ZNF215: variants seen among roughly 807,000 people sequenced by gnomAD.
The protein encoded by ZNF215 is BWSCR2-associated zinc finger protein 2.
In ZNF215, 24 loss-of-function variants were observed where a neutral mutation model predicts 27.2. That is an observed-to-expected ratio of 0.88 (90% CI 0.64 to 1.24). The LOEUF (loss-of-function observed/expected upper bound fraction) is 1.24. Among genes scored for constraint, ZNF215 ranks in the 50% most tolerant of loss-of-function variants. The pLI is 0.00. For synonymous variants in ZNF215, 210 were observed against 204.0 expected (o/e 1.03, Z -0.25); for missense variants, 675 against 605.7 (o/e 1.11, Z -1.20).
intron 3 of ZNF215, among the ~76,000 whole-genome samples, chr11:6,939,589 A>T (rs965006470): frequency 6.6e-6 from 1 of 152,160 alleles, no homozygotes; most frequent in Non-Finnish European, 1.5e-5. Flanking sequence ...GAGGATAGAA[A>T]AAGGTGCCTT....
At chr11:6,966,571 C>T (rs1004898254) in intron 5 of ZNF215, among the ~76,000 whole-genome samples, 1 of 152,024 alleles carries the variant, frequency 6.6e-6, no homozygotes, top group South Asian at 2.1e-4. Context: ...GAATTGTTCA[C>T]AATATTACCT....
chr11:6,981,472 T>C (rs1205749429), intron 5 of ZNF215, among the ~76,000 whole-genome samples: 1 of 152,232 alleles, frequency 6.6e-6, no homozygotes, highest in Non-Finnish European at 1.5e-5. Context: ...TTTCTTCTTG[T>C]AAATTTGTTT....
At chr11:6,982,170 A>G (rs1031036073) in intron 5 of ZNF215, among the ~76,000 whole-genome samples, 22 of 152,012 alleles carry the variant, frequency 1.4e-4, no homozygotes, top group African/African-American at 5.3e-4. Context: ...CTTGATGGGG[A>G]TGGCATTGAG....
At chr11:6,937,643 A>G (rs995870860) in intron 3 of ZNF215, among the ~76,000 whole-genome samples, 1 of 151,912 alleles carries the variant, frequency 6.6e-6, no homozygotes, top group Non-Finnish European at 1.5e-5. Flanking sequence ...AAAAGCTGCA[A>G]TAATCAAAGC....
At chr11:6,948,967 C>T (rs1404406035) in intron 6 of ZNF215, among the ~76,000 whole-genome samples, 1 of 142,420 alleles carries the variant, frequency 7.0e-6, no homozygotes, top group African/African-American at 2.6e-5. Flanking sequence ...TCTCATTGTT[C>T]AATTCCCACC....
intron 4 of ZNF215, among the ~76,000 whole-genome samples, chr11:6,942,065 A>T (rs150067843): frequency 1.8e-4 from 27 of 152,306 alleles, no homozygotes; most frequent in African/African-American, 6.5e-4. Flanking sequence ...AAGAATATTT[A>T]AGGGAGAAAT....
downstream of ZNF215, among the ~76,000 whole-genome samples, chr11:6,989,471 G>T (rs1286749548): frequency 6.6e-6 from 1 of 152,084 alleles, no homozygotes; most frequent in Non-Finnish European, 1.5e-5. Context: ...AACATCAAAT[G>T]ACTAGATAGC....
At chr11:6,975,765 G>A (rs1850822082) in intron 5 of ZNF215, among the ~76,000 whole-genome samples, 1 of 152,064 alleles carries the variant, frequency 6.6e-6, no homozygotes, top group South Asian at 2.1e-4. Flanking sequence ...GGACACTTAG[G>A]CTGATTCCAA....
At chr11:6,984,915 C>G (rs1361328872), downstream of ZNF215, among the ~76,000 whole-genome samples, 1 of 152,076 alleles carries the variant, frequency 6.6e-6, no homozygotes, top group East Asian at 1.9e-4. Flanking sequence ...AAAAACCCTA[C>G]CAACCAAAAA....
At chr11:6,944,101 C>T (rs1441056176) in intron 6 of ZNF215, among the ~76,000 whole-genome samples, 1 of 152,150 alleles carries the variant, frequency 6.6e-6, no homozygotes, top group Non-Finnish European at 1.5e-5. Flanking sequence ...CCGTTAAACC[C>T]TGTCTCTACT....
chr11:6,966,339 GGTATGA>G (rs1850617497), intron 5 of ZNF215, among the ~76,000 whole-genome samples: 1 of 152,002 alleles, frequency 6.6e-6, no homozygotes, highest in African/African-American at 2.4e-5. Flanking sequence ...GGTGGAGGGT[GGTATGA>G]GGATGAGGAT....
chr11:6,932,162 A>G lies in ZNF215; in HGVS notation c.-111A>G. ...GAACTTTCCTCCTTACCGTGAAATA[A>G]CTTGGCTTAAATCACACTGCATATA... On this transcript the variant is annotated 5_prime_UTR_variant, in exon 3 of 7. Coordinates refer to ENST00000278319, the MANE Select transcript of ZNF215 (RefSeq NM_013250.4). 7.4e-7 allele frequency: 1 copy of G among 1,348,756 alleles called. No homozygotes were observed. The highest frequency in any genetic ancestry group is 1.0e-6 in the Non-Finnish European group (1 of 998,312). 83.5% of individuals were successfully genotyped at this position (1,348,756 alleles called of 1,614,324 possible). A position where few individuals can be genotyped will look rare whatever the true frequency, so the allele number is the denominator to read the frequency against.
chr11:6,946,200 A>C (rs1849809066), intron 6 of ZNF215, among the ~76,000 whole-genome samples: 1 of 152,178 alleles, frequency 6.6e-6, no homozygotes, highest in African/African-American at 2.4e-5. Flanking sequence ...CCACATTGGC[A>C]TACTTCTCAG....
At position 6,926,661 on chromosome 11, in the gene ZNF215, G is replaced by T. The variant is rs573308825; in HGVS notation, c.-350G>T. On this transcript the variant is annotated 5_prime_UTR_variant, in exon 1 of 7. Transcript: ENST00000278319. ...CTTCACTGTCCAAGACAGCGATTCC[G>T]CGGCTCCTCTGAGAACTGGCGCTTG... 2.6e-5 allele frequency: 4 copies of T among 152,370 alleles called. No individual in the cohort carries two copies. In the South Asian group the frequency reaches 8.3e-4, roughly 32 times the overall value. 9.4% of individuals were successfully genotyped at this position (152,370 alleles called of 1,614,324 possible).
chr11:6,945,245 C>T (rs1164657839), intron 6 of ZNF215, among the ~76,000 whole-genome samples: 3 of 152,118 alleles, frequency 2.0e-5, no homozygotes, highest in African/African-American at 4.8e-5. Flanking sequence ...TCCCCGCTCC[C>T]ATTGTGCTTT....
intron 6 of ZNF215, among the ~76,000 whole-genome samples, chr11:6,949,180 G>A (rs1849946152): frequency 6.6e-6 from 1 of 151,660 alleles, no homozygotes; most frequent in South Asian, 2.1e-4. Context: ...CCAAGTCTTT[G>A]CTATTGTGAA....
At chr11:6,974,903 G>A (rs1320825727) in intron 5 of ZNF215, among the ~76,000 whole-genome samples, 2 of 152,022 alleles carry the variant, frequency 1.3e-5, no homozygotes, top group Non-Finnish European at 2.9e-5. Context: ...CTGCCTGATT[G>A]CCCTGGCCGG....
intron 6 of ZNF215, among the ~76,000 whole-genome samples, chr11:6,945,170 C>T (rs561649863): frequency 1.1e-4 from 16 of 151,988 alleles, no homozygotes; most frequent in South Asian, 4.2e-4. Flanking sequence ...ATTACTTACC[C>T]GAATTCTTTA....
downstream of ZNF215, among the ~76,000 whole-genome samples, chr11:6,985,093 G>C (rs757944397): frequency 1.2e-4 from 18 of 152,016 alleles, no homozygotes; most frequent in Admixed American, 1.3e-4. Context: ...AAGACACAAT[G>C]AGAAAAGAAA....
Sources: gnomAD v4.1 joint callset for allele counts (sites outside exome capture counted in the v4.1 genomes callset) on GRCh38, gnomAD v4.1.1 for gene constraint, MANE v1.5 for transcripts, NCBI Gene and HGNC (gene_info 2026-07-23, HGNC 2026-07-21) for gene names.